Variants in CAPN14 observed in about 807,000 individuals in gnomAD.
CAPN14 encodes the protein calpain-14.
In CAPN14, 94 loss-of-function variants were observed where a neutral mutation model predicts 101.3. That is an observed-to-expected ratio of 0.93 (90% CI 0.79 to 1.10). The LOEUF is 1.10. Ranked by LOEUF, CAPN14 falls within the 50% of genes least tolerant of loss-of-function variation. The pLI is 0.00. For synonymous variants in CAPN14, 338 were observed against 317.9 expected, an observed-to-expected ratio of 1.06 and a Z score of -0.67; for missense variants, 837 against 828.4, an observed-to-expected ratio of 1.01 and a Z score of -0.13.
intron 12 of CAPN14, 134 bp from the exon 13 acceptor site, chr2:31,189,612 A>G: frequency 1.3e-6 from 1 of 745,394 alleles, no homozygotes; most frequent in Non-Finnish European, 2.4e-6. Flanking sequence ...CCAGTGGAGG[A>G]TGAAACAAGT....
At chr2:31,181,936 G>C (rs1353420448) in intron 16 of CAPN14, among the ~76,000 whole-genome samples, 3 of 151,494 alleles carry the variant, frequency 2.0e-5, no homozygotes, top group Non-Finnish European at 2.9e-5. Flanking sequence ...TGGACATTTG[G>C]GTTGGTTCTA....
At chr2:31,200,706 T>A in intron 5 of CAPN14, 81 bp from the exon 6 acceptor site, 1 of 1,304,282 alleles carries the variant, frequency 7.7e-7, no homozygotes, top group Non-Finnish European at 1.0e-6. Context: ...CATCCACTTT[T>A]AAATAGGAGT....
At chr2:31,190,109 C>A (rs1681102921) in intron 12 of CAPN14, among the ~76,000 whole-genome samples, 1 of 128,464 alleles carries the variant, frequency 7.8e-6, no homozygotes, top group Admixed American at 8.0e-5. Context: ...TCCGACATTT[C>A]TTGGGTATCT....
upstream of CAPN14, among the ~76,000 whole-genome samples, chr2:31,220,043 G>A (rs1200389154): frequency 6.6e-6 from 1 of 152,158 alleles, no homozygotes; most frequent in Non-Finnish European, 1.5e-5. Context: ...CAGGGCACGG[G>A]AAAGCAATCA....
upstream of CAPN14, among the ~76,000 whole-genome samples, chr2:31,222,315 C>A (rs1203302236): frequency 2.0e-5 from 3 of 152,144 alleles, no homozygotes; most frequent in Admixed American, 2.0e-4. Context: ...GCTTAGGTGG[C>A]CTTCATACCT....
chr2:31,180,081 T>C (rs1422152529), intron 17 of CAPN14, among the ~76,000 whole-genome samples: 2 of 152,114 alleles, frequency 1.3e-5, no homozygotes, highest in African/African-American at 4.8e-5. Context: ...ATCAGAGACA[T>C]TGGGTCAAAG....
At chr2:31,223,404 C>G (rs1451579784) in intron 2 of CAPN14, among the ~76,000 whole-genome samples, 1 of 152,194 alleles carries the variant, frequency 6.6e-6, no homozygotes, top group African/African-American at 2.4e-5. Flanking sequence ...AGTTCCCTCA[C>G]TGTTAAATAT....
rs913463697 is a variant in CAPN14, at chr2:31,180,999, A to G, written c.1647T>C (p.Ser549=). The change falls in exon 17 of 22, where the codon AGT becomes AGC. Residue 549 remains serine, a splice_region_variant and synonymous_variant. Transcript: ENST00000403897. ...QNLLNQMTWS[S]LGSRQPFFSL... ...TAAAGAAGGGCTGTCTGCTCCCCAGACCTGTGAAGGAGCGAAAGAGTCCAC... is the reference window on the plus strand; with the variant it reads ...TAAAGAAGGGCTGTCTGCTCCCCAGGCCTGTGAAGGAGCGAAAGAGTCCAC... The G allele has an allele frequency of 1.3e-6, 2 of 1,551,500 alleles. No homozygotes were observed. The highest frequency in any genetic ancestry group is 1.4e-5 in the African/African-American group (1 of 73,026).
At chr2:31,206,734 C>T (rs1682118818) in intron 1 of CAPN14, among the ~76,000 whole-genome samples, 1 of 152,308 alleles carries the variant, frequency 6.6e-6, no homozygotes, top group East Asian at 1.9e-4. Flanking sequence ...AACTTGATTT[C>T]CTGGAGCTTC....
intron 1 of CAPN14, among the ~76,000 whole-genome samples, chr2:31,207,570 C>G (rs563534706): frequency 6.6e-6 from 1 of 152,216 alleles, no homozygotes; most frequent in African/African-American, 2.4e-5. Flanking sequence ...AAGTTCGATA[C>G]CAGCTGGGGC....
chr2:31,175,358 A>C (rs1204888133), intron 21 of CAPN14, among the ~76,000 whole-genome samples: 1 of 152,210 alleles, frequency 6.6e-6, no homozygotes, highest in Non-Finnish European at 1.5e-5. Flanking sequence ...TGAGGCCCAG[A>C]GATTTAATGT....
At position 31,197,188 on chromosome 2, in the gene CAPN14, T is replaced by C. The variant is rs762096347; in HGVS notation, c.875+61A>G. 325 of 1,136,690 alleles carry C rather than the reference T, an allele frequency of 2.9e-4. 1 individual carries two copies. Among genetic ancestry groups the C allele is most frequent in the Non-Finnish European group, 4.0e-4 (306 of 771,338 alleles). The allele number at this position is 1,136,690 out of a possible 1,614,324, so 70.4% of individuals were successfully genotyped here. A position where few individuals can be genotyped will look rare whatever the true frequency, so the allele number is the denominator to read the frequency against. ...GCACACATTTGAATCTGTGTGCAAA[T>C]GGCAGCCTCCTTTGCCTAACCTACC... On this transcript the variant is annotated intron_variant, in intron 8 of 21. Coordinates refer to ENST00000403897, the MANE Select transcript of CAPN14 (RefSeq NM_001145122.2).
At chr2:31,179,091 T>TATATAC (rs1226550939) in intron 17 of CAPN14, among the ~76,000 whole-genome samples, 1 of 142,564 alleles carries the variant, frequency 7.0e-6, no homozygotes, top group East Asian at 2.0e-4. Flanking sequence ...TATATATATA[T>TATATAC]ACTTTAAGTT....
rs1044162651 is a variant in CAPN14 at position 31,230,869 on chromosome 2, A to G, written c.-177+2922T>C. Among the ~76,000 whole-genome samples, 4 of 152,152 alleles carry G rather than the reference A, an allele frequency of 2.6e-5. No homozygotes were observed. The highest frequency in any genetic ancestry group is 9.7e-5 in the African/African-American group (4 of 41,428). On this transcript the variant is annotated intron_variant and NMD_transcript_variant, in intron 1 of 21. Coordinates refer to the CAPN14 transcript ENST00000398824. The surrounding 1 kb of genome is among the most constrained non-coding windows in gnomAD (Gnocchi z 4.3). ...TTTCATTTTTCAGTTTGTGCTTCTG[A>G]CGTCTTGTTTAAAGAACTCTTCCTG... is the stretch of plus-strand genomic sequence containing the variant.
Position 31,192,630 on chromosome 2 carries a change from T to A in CAPN14, c.1114+501A>T, listed in dbSNP as rs1405561637. Among the ~76,000 whole-genome samples, 10 of 152,130 alleles carry A rather than the reference T, an allele frequency of 6.6e-5. No individual in the cohort carries two copies. The East Asian group carries it at 1.9e-3, about 30-fold the overall frequency. The stretch of plus-strand genomic sequence containing the variant: ...GGAAGGGACAGGGTCACCAAACCTG[T>A]CCCATCTTGGGAGTCCAGACAGGTT... On this transcript the variant is annotated intron_variant, in intron 10 of 21. Transcript: ENST00000403897.
chr2:31,181,442 C>CTTT (rs754556160), intron 16 of CAPN14, among the ~76,000 whole-genome samples: 2 of 98,962 alleles, frequency 2.0e-5, no homozygotes, highest in African/African-American at 7.0e-5. Flanking sequence ...TTCTTTCTTT[C>CTTT]TTTTTCTTTC....
intron 7 of CAPN14, among the ~76,000 whole-genome samples, chr2:31,199,157 G>A (rs1372755297): frequency 6.6e-6 from 1 of 152,222 alleles, no homozygotes; most frequent in Non-Finnish European, 1.5e-5. Context: ...TGGGAGGGAA[G>A]AACCAGATGA....
intron 1 of CAPN14, among the ~76,000 whole-genome samples, chr2:31,226,889 T>C (rs1191440828): frequency 6.6e-6 from 1 of 152,134 alleles, no homozygotes; most frequent in East Asian, 1.9e-4. Context: ...CCACTTTTTG[T>C]GGACTGAGGG....
At chr2:31,206,021 A>ATTTTTTTTTTTTTTTTTTTTTTTTTTTT (rs200116287) in intron 1 of CAPN14, among the ~76,000 whole-genome samples, 1 of 108,750 alleles carries the variant, frequency 9.2e-6, no homozygotes. Context: ...CATTATCTTT[A>ATTTTTTTTTTTTTTTTTTTTTTTTTTTT]TTTTTTTTAT....
Sources: gnomAD v4.1 joint callset for allele counts (sites outside exome capture counted in the v4.1 genomes callset) on GRCh38, gnomAD v4.1.1 for gene constraint, Gnocchi (gnomAD v3.1) non-coding constraint, MANE v1.5 for transcripts, NCBI Gene and HGNC (gene_info 2026-07-23, HGNC 2026-07-21) for gene names.